Variants in GUCY1A2 observed in about 807,000 individuals in gnomAD.
GUCY1A2 encodes the protein guanylate cyclase 1 soluble subunit alpha 2.
A neutral mutation model predicts 63.5 loss-of-function variants in GUCY1A2; 27 were observed. The ratio of observed to expected loss-of-function variants is 0.43; its 90% CI spans 0.31 to 0.59. The LOEUF (loss-of-function observed/expected upper bound fraction) is 0.59. GUCY1A2 is among the 20% of genes least tolerant of loss of function. The pLI, the probability that GUCY1A2 is intolerant of heterozygous loss-of-function variation, is 0.11. For missense variants in GUCY1A2, 768 were observed against 913.3 expected (o/e 0.84, Z 2.05); for synonymous variants, 364 against 343.5 (o/e 1.06, Z -0.66).
chr11:106,808,632 A>AAAACG (rs1306482547), intron 5 of GUCY1A2, among the ~76,000 whole-genome samples: 8 of 133,516 alleles, frequency 6.0e-5, no homozygotes, highest in African/African-American at 2.0e-4. Flanking sequence ...GGGCTAAAAC[A>AAAACG]AAACAAAACA....
chr11:106,927,570 G>T (rs1007397534), intron 4 of GUCY1A2, among the ~76,000 whole-genome samples: 1 of 149,354 alleles, frequency 6.7e-6, no homozygotes, highest in Non-Finnish European at 1.5e-5. Context: ...TATGGAATAA[G>T]TCTTTTTTTT....
At chr11:106,927,491 G>C (rs538575300) in intron 4 of GUCY1A2, among the ~76,000 whole-genome samples, 22 of 152,128 alleles carry the variant, frequency 1.4e-4, no homozygotes, top group Admixed American at 3.3e-4. Flanking sequence ...TTTTCTTTTT[G>C]AGTTGACATA....
chr11:106,809,940 A>G, intron 5 of GUCY1A2, 53 bp downstream of exon 5: 1 of 1,176,456 alleles, frequency 8.5e-7, no homozygotes, highest in Non-Finnish European at 1.2e-6. Flanking sequence ...TTTAATTCAC[A>G]TGACAATTTA....
chr11:106,802,301 T>C (rs994926076), intron 5 of GUCY1A2, among the ~76,000 whole-genome samples: 4 of 152,156 alleles, frequency 2.6e-5, no homozygotes, highest in East Asian at 3.9e-4. Context: ...GTGGCAAAGA[T>C]AAATGAGCAG....
chr11:106,860,745 A>C (rs1859500262), intron 4 of GUCY1A2, among the ~76,000 whole-genome samples: 1 of 152,024 alleles, frequency 6.6e-6, no homozygotes. Flanking sequence ...GCAACTCCAT[A>C]TAAAGGAGGT....
intron 3 of GUCY1A2, 74 bp downstream of exon 3, chr11:106,978,545 A>G (rs1279953206): frequency 4.9e-6 from 5 of 1,024,594 alleles, no homozygotes; most frequent in Non-Finnish European, 7.1e-6. Context: ...TTGGTAGAAC[A>G]TGAAACACTT....
chr11:106,707,243 A>C lies in GUCY1A2; in HGVS notation c.1991+1269T>G, dbSNP rs549601009. 2.9e-3 allele frequency among the ~76,000 whole-genome samples: 442 copies of C among 152,218 alleles called. 4 individuals carry two copies. The highest frequency in any genetic ancestry group is 0.01 in the African/African-American group (425 of 41,562). On this transcript the variant is annotated intron_variant, in intron 7 of 7. Transcript: ENST00000526355. ...CATCTATTTTGCAGAATCTGGAAGTATCTGCTTTCATCTAAAAACTTTAAA... is the reference window on the plus strand; with the variant it reads ...CATCTATTTTGCAGAATCTGGAAGTCTCTGCTTTCATCTAAAAACTTTAAA...
chr11:106,901,815 C>A (rs540986380), intron 4 of GUCY1A2, among the ~76,000 whole-genome samples: 2 of 152,310 alleles, frequency 1.3e-5, no homozygotes, highest in South Asian at 4.1e-4. Context: ...CGGACATGAA[C>A]TCATCCTTTT....
intron 7 of GUCY1A2, among the ~76,000 whole-genome samples, chr11:106,703,637 G>A (rs981186721): frequency 6.6e-6 from 1 of 152,080 alleles, no homozygotes; most frequent in Non-Finnish European, 1.5e-5. Context: ...GCCTCATGAC[G>A]CCCACGCTGA....
chr11:106,964,958 C>A (rs892514298), intron 3 of GUCY1A2, among the ~76,000 whole-genome samples: 20 of 151,904 alleles, frequency 1.3e-4, no homozygotes, highest in Admixed American at 6.6e-4. Flanking sequence ...GTAGCCTGGG[C>A]GACAGAGCAA....
intron 1 of GUCY1A2, among the ~76,000 whole-genome samples, chr11:107,015,131 T>C (rs12277145): frequency 0.056 from 8,489 of 152,258 alleles, 706 homozygotes; most frequent in African/African-American, 0.19. Flanking sequence ...ACTAAGTCTA[T>C]TGATGATATG....
intron 4 of GUCY1A2, among the ~76,000 whole-genome samples, chr11:106,843,954 G>A (rs1251310050): frequency 6.6e-6 from 1 of 151,806 alleles, no homozygotes; most frequent in African/African-American, 2.4e-5. Flanking sequence ...AGGAAATGAG[G>A]TATAACATCG....
chr11:106,855,527 G>C (rs1268678243), intron 4 of GUCY1A2, among the ~76,000 whole-genome samples: 1 of 152,044 alleles, frequency 6.6e-6, no homozygotes, highest in Non-Finnish European at 1.5e-5. Context: ...CAGCCACCTT[G>C]ATCTTTCTCC....
chr11:106,928,605 G>T (rs1860561406), intron 4 of GUCY1A2, among the ~76,000 whole-genome samples: 1 of 152,034 alleles, frequency 6.6e-6, no homozygotes, highest in Non-Finnish European at 1.5e-5. Flanking sequence ...ATACATCTCA[G>T]AAGCACACTG....
intron 4 of GUCY1A2, among the ~76,000 whole-genome samples, chr11:106,842,171 T>G (rs989129657): frequency 1.3e-5 from 2 of 151,928 alleles, no homozygotes; most frequent in African/African-American, 2.4e-5. Flanking sequence ...GATCCCACAG[T>G]GGGCCCTTCC....
At chr11:106,963,122 T>C (rs942555539) in intron 3 of GUCY1A2, among the ~76,000 whole-genome samples, 4 of 152,152 alleles carry the variant, frequency 2.6e-5, no homozygotes, top group Non-Finnish European at 5.9e-5. Flanking sequence ...AGAAATACTT[T>C]GATAGCACAT....
At chr11:106,725,560 A>G (rs116953513) in intron 6 of GUCY1A2, among the ~76,000 whole-genome samples, 4,841 of 152,284 alleles carry the variant, frequency 0.032, 116 homozygotes, top group Non-Finnish European at 0.045. Flanking sequence ...TTAAAAATAT[A>G]TTTTTAAAAG....
intron 5 of GUCY1A2, among the ~76,000 whole-genome samples, chr11:106,788,388 C>T (rs1257706456): frequency 1.3e-5 from 2 of 152,112 alleles, no homozygotes; most frequent in Non-Finnish European, 2.9e-5. Context: ...AGATTTTTAA[C>T]TTGATGTGAT....
chr11:106,893,377 T>C (rs1280165103), intron 4 of GUCY1A2, among the ~76,000 whole-genome samples: 2 of 152,068 alleles, frequency 1.3e-5, no homozygotes, highest in Non-Finnish European at 2.9e-5. Context: ...AGAAAATAAT[T>C]TAGTCTTTAA....
Sources: gnomAD v4.1 joint callset for allele counts (sites outside exome capture counted in the v4.1 genomes callset) on GRCh38, gnomAD v4.1.1 for gene constraint, MANE v1.5 for transcripts, NCBI Gene and HGNC (gene_info 2026-07-23, HGNC 2026-07-21) for gene names.